The following SEMA3C variants were observed in gnomAD, a reference collection of about 807,000 sequenced individuals.
SEMA3C encodes semaphorin-3C.
In SEMA3C, 47 loss-of-function variants were observed where a neutral mutation model predicts 89.4. The ratio of observed to expected loss-of-function variants is 0.53; its 90% CI spans 0.42 to 0.67. The LOEUF is 0.67. SEMA3C is among the 30% of genes least tolerant of loss of function. SEMA3C has a pLI of 0.00. For synonymous variants in SEMA3C, 310 were observed against 320.2 expected (o/e 0.97, Z 0.34); for missense variants, 839 against 929.1 (o/e 0.90, Z 1.26).
intron 12 of SEMA3C, among the ~76,000 whole-genome samples, chr7:80,768,296 G>A (rs573691882): frequency 2.0e-5 from 3 of 152,202 alleles, no homozygotes; most frequent in East Asian, 3.9e-4. Context: ...GGCGGATCAC[G>A]AGGTCAGGAG....
rs1562879840 is a variant in SEMA3C at position 80,798,250 on chromosome 7, CAG to C, written c.987-16_987-15del. On this transcript the variant is annotated splice_polypyrimidine_tract_variant and intron_variant, in intron 10 of 17. Transcript: ENST00000265361. ...TTGAAAACTGAGCTAAAAAAGAAAA[CAG>C]AAAAAGGCATTTTCAAATTTTTAAA... The C allele has an allele frequency of 4.3e-6, 6 of 1,405,210 alleles. No individual in the cohort carries two copies. The highest frequency in any genetic ancestry group is 5.6e-6 in the Non-Finnish European group (6 of 1,072,236). The allele number at this position is 1,405,210 out of a possible 1,614,324, so 87.0% of individuals were successfully genotyped here.
intron 12 of SEMA3C, among the ~76,000 whole-genome samples, chr7:80,771,525 T>A (rs1469519631): frequency 6.6e-6 from 1 of 152,324 alleles, no homozygotes; most frequent in Admixed American, 6.5e-5. Context: ...ACAGCAATTA[T>A]CCTTAAACCT....
At chr7:80,855,399 T>C (rs1322089219) in intron 2 of SEMA3C, among the ~76,000 whole-genome samples, 1 of 151,964 alleles carries the variant, frequency 6.6e-6, no homozygotes, top group Non-Finnish European at 1.5e-5. Context: ...GCCTCTGGAG[T>C]AGCCAGGACT....
chr7:80,798,258 G>A, intron 10 of SEMA3C, 22 bp from the exon 11 acceptor site: 2 of 1,394,236 alleles, frequency 1.4e-6, no homozygotes, highest in Non-Finnish European at 1.9e-6. Context: ...AACAGAAAAA[G>A]GCATTTTCAA....
At chr7:80,794,180 T>C (rs1305904825) in intron 11 of SEMA3C, among the ~76,000 whole-genome samples, 1 of 152,016 alleles carries the variant, frequency 6.6e-6, no homozygotes, top group Non-Finnish European at 1.5e-5. Context: ...TGTCTTGTAG[T>C]GTATGCTGTA....
chr7:80,768,512 TAAA>T (rs10562607), intron 12 of SEMA3C, among the ~76,000 whole-genome samples: 23 of 134,128 alleles, frequency 1.7e-4, no homozygotes, highest in South Asian at 2.4e-4. Context: ...AGACTCCGTC[TAAA>T]AAAAAAAAAA....
rs146476452 is a variant in SEMA3C, at chr7:80,812,849, C to T, written c.448-2148G>A. Among the ~76,000 whole-genome samples the T allele has an allele frequency of 2.0e-4, 31 of 151,872 alleles. No individual in the cohort carries two copies. The East Asian group carries it at 5.0e-3, about 25-fold the overall frequency. ...TCACCTGGGCTGAAGTGCAGTGGTGCGATCTCGGCTTACGGCAACCTCCAC... is the reference window on the plus strand; with the variant it reads ...TCACCTGGGCTGAAGTGCAGTGGTGTGATCTCGGCTTACGGCAACCTCCAC... On this transcript the variant is annotated intron_variant, in intron 5 of 17. Coordinates refer to ENST00000265361, the MANE Select transcript of SEMA3C (RefSeq NM_006379.5).
At chr7:80,904,853 A>C (rs1791967666) in intron 2 of SEMA3C, among the ~76,000 whole-genome samples, 1 of 152,126 alleles carries the variant, frequency 6.6e-6, no homozygotes, top group South Asian at 2.1e-4. Context: ...TAAAGCTTCT[A>C]GGTAACGTAC....
At chr7:80,899,987 A>T (rs538433356) in intron 2 of SEMA3C, among the ~76,000 whole-genome samples, 14 of 152,326 alleles carry the variant, frequency 9.2e-5, no homozygotes, top group African/African-American at 3.4e-4. Context: ...GTTTTGTTAC[A>T]TGGACAGACT....
intron 8 of SEMA3C, 146 bp from the exon 9 acceptor site, chr7:80,802,925 G>T: frequency 3.8e-6 from 2 of 526,246 alleles, no homozygotes; most frequent in South Asian, 2.8e-5. Context: ...TGTCAAAGAG[G>T]AATATTTATG....
At chr7:80,851,435 C>T (rs541712018) in intron 2 of SEMA3C, among the ~76,000 whole-genome samples, 9 of 134,780 alleles carry the variant, frequency 6.7e-5, no homozygotes, top group Admixed American at 1.7e-4. Context: ...ACCTGGGAAG[C>T]GGAGGTTGCA....
chr7:80,802,551 C>T, intron 9 of SEMA3C, 114 bp downstream of exon 9: 1 of 617,804 alleles, frequency 1.6e-6, no homozygotes, highest in South Asian at 2.6e-5. Context: ...TTTAAATTAG[C>T]ATATTATTTA....
chr7:80,818,537 T>G, intron 4 of SEMA3C, 119 bp from the exon 5 acceptor site: 1 of 1,175,902 alleles, frequency 8.5e-7, no homozygotes, highest in South Asian at 1.6e-5. Context: ...AAACTTTTGA[T>G]GTATTAGTCC....
At chr7:80,761,386 T>C (rs1172796021) in intron 14 of SEMA3C, among the ~76,000 whole-genome samples, 3 of 152,204 alleles carry the variant, frequency 2.0e-5, no homozygotes, top group Non-Finnish European at 4.4e-5. Context: ...TATCTTGCTG[T>C]ATATATGTTC....
At chr7:80,836,608 G>A (rs1249921576) in intron 2 of SEMA3C, among the ~76,000 whole-genome samples, 2 of 152,174 alleles carry the variant, frequency 1.3e-5, no homozygotes, top group African/African-American at 4.8e-5. Flanking sequence ...AACCTGTGAG[G>A]CGGAGATTGC....
intron 2 of SEMA3C, among the ~76,000 whole-genome samples, chr7:80,872,938 A>G (rs945314392): frequency 4.6e-5 from 7 of 151,332 alleles, no homozygotes; most frequent in African/African-American, 1.2e-4. Context: ...AAAAAAAAAA[A>G]AAAAAGAAAG....
At chr7:80,894,338 T>C (rs1443181921) in intron 2 of SEMA3C, among the ~76,000 whole-genome samples, 1 of 149,710 alleles carries the variant, frequency 6.7e-6, no homozygotes, top group African/African-American at 2.6e-5. Flanking sequence ...AATAACTGAA[T>C]TATTAATAGT....
chr7:80,919,054 A>C, upstream of SEMA3C: 2 of 985,112 alleles, frequency 2.0e-6, no homozygotes, highest in South Asian at 4.7e-5. Flanking sequence ...CTCGGAGTGA[A>C]TGGAAAGTGG....
At chr7:80,789,595 C>T in intron 11 of SEMA3C, 67 bp from the exon 12 acceptor site, 1 of 1,154,326 alleles carries the variant, frequency 8.7e-7, no homozygotes, top group East Asian at 2.6e-5. Context: ...TAATCAAAAA[C>T]TCTCTACTTT....
Sources: gnomAD v4.1 joint callset for allele counts (sites outside exome capture counted in the v4.1 genomes callset) on GRCh38, gnomAD v4.1.1 for gene constraint, MANE v1.5 for transcripts, NCBI Gene and HGNC (gene_info 2026-07-23, HGNC 2026-07-21) for gene names.